The following MGAT4C variants were observed in gnomAD, a reference collection of about 807,000 sequenced individuals.
The protein encoded by MGAT4C is alpha-1,3-mannosyl-glycoprotein 4-beta-N-acetylglucosaminyltransferase C.
In MGAT4C, 19 loss-of-function variants were observed where a neutral mutation model predicts 40.1. The ratio of observed to expected loss-of-function variants is 0.47; its 90% CI spans 0.33 to 0.70. The LOEUF (loss-of-function observed/expected upper bound fraction) is 0.70. Ranked by LOEUF, MGAT4C falls within the 30% of genes least tolerant of loss-of-function variation. MGAT4C has a pLI of 0.02. For synonymous variants in MGAT4C, 181 were observed against 187.1 expected, an observed-to-expected ratio of 0.97 and a Z score of 0.27; for missense variants, 491 against 563.2, an observed-to-expected ratio of 0.87 and a Z score of 1.30.
rs886668478 is a variant in MGAT4C at position 85,966,612 on chromosome 12, C to T, written c.*12677G>A. The T allele has an allele frequency of 7.2e-5, 11 of 151,976 alleles. No homozygotes were observed. Among genetic ancestry groups the T allele is most frequent in the East Asian group, 5.8e-4 (3 of 5,172 alleles). The allele number at this position is 151,976 out of a possible 1,614,324, so 9.4% of individuals were successfully genotyped here. A position where few individuals can be genotyped will look rare whatever the true frequency, so the allele number is the denominator to read the frequency against. On this transcript the variant is annotated 3_prime_UTR_variant, in exon 5 of 5. Coordinates refer to ENST00000611864, the MANE Select transcript of MGAT4C (RefSeq NM_001351288.2). ...GACACATGCACACGTATGTTTATTG[C>T]GGCACTATTCACAATAGCAAAGACT... is the stretch of plus-strand genomic sequence containing the variant.
At chr12:86,584,836 C>A (rs1209024026) in intron 2 of MGAT4C, among the ~76,000 whole-genome samples, 2 of 151,330 alleles carry the variant, frequency 1.3e-5, no homozygotes, top group African/African-American at 2.4e-5. Flanking sequence ...ATCATCATGT[C>A]CACGATGGCT....
At chr12:86,518,591 C>T (rs1247286754) in intron 2 of MGAT4C, among the ~76,000 whole-genome samples, 1 of 152,024 alleles carries the variant, frequency 6.6e-6, no homozygotes, top group Non-Finnish European at 1.5e-5. Flanking sequence ...GACAGAAATA[C>T]AAAATGATAC....
chr12:86,261,705 T>C (rs564131698), intron 4 of MGAT4C, among the ~76,000 whole-genome samples: 7 of 152,190 alleles, frequency 4.6e-5, no homozygotes, highest in African/African-American at 1.7e-4. Flanking sequence ...TGATTAGGTG[T>C]AATGGAGTTC....
intron 3 of MGAT4C, among the ~76,000 whole-genome samples, chr12:86,359,275 C>A (rs1359602288): frequency 6.6e-6 from 1 of 152,132 alleles, no homozygotes. Context: ...TTCTTTGAAA[C>A]CAATGAGAAC....
At chr12:86,461,803 T>C (rs1020650664) in intron 2 of MGAT4C, among the ~76,000 whole-genome samples, 1 of 152,212 alleles carries the variant, frequency 6.6e-6, no homozygotes, top group Non-Finnish European at 1.5e-5. Flanking sequence ...AGTTTATAAA[T>C]GAAATTTATA....
At chr12:86,008,892 C>T (rs756921781) in intron 2 of MGAT4C, among the ~76,000 whole-genome samples, 13 of 151,896 alleles carry the variant, frequency 8.6e-5, no homozygotes, top group South Asian at 2.1e-4. Context: ...TTGTGCTATA[C>T]GATGGATTAT....
intron 3 of MGAT4C, among the ~76,000 whole-genome samples, chr12:86,390,116 G>A (rs1021963747): frequency 6.6e-5 from 10 of 152,078 alleles, no homozygotes; most frequent in East Asian, 3.9e-4. Flanking sequence ...AAACAAGCCC[G>A]GTTGACCCAC....
chr12:86,725,449 A>C (rs2559814), intron 2 of MGAT4C, among the ~76,000 whole-genome samples: 129,042 of 151,986 alleles, frequency 0.85, 55,780 homozygotes, highest in Non-Finnish European at 0.94. Flanking sequence ...GCGCCCCCTG[A>C]CATTTTTGTT....
chr12:86,469,367 G>A (rs566483237), intron 2 of MGAT4C, among the ~76,000 whole-genome samples: 1 of 152,226 alleles, frequency 6.6e-6, no homozygotes, highest in East Asian at 1.9e-4. Flanking sequence ...ATGAAAGACT[G>A]CGACTTCTGT....
At chr12:86,719,580 T>G (rs1950704612) in intron 2 of MGAT4C, among the ~76,000 whole-genome samples, 1 of 152,188 alleles carries the variant, frequency 6.6e-6, no homozygotes, top group South Asian at 2.1e-4. Context: ...CTAGGAATGA[T>G]TTATCATACC....
At position 86,473,729 on chromosome 12, in the gene MGAT4C, A is replaced by C. The variant is rs76154601; in HGVS notation, c.-228-38464T>G. 1.2e-4 allele frequency among the ~76,000 whole-genome samples: 18 copies of C among 152,346 alleles called. No homozygotes were observed. The East Asian group carries it at 2.9e-3, about 25-fold the overall frequency. On this transcript the variant is annotated intron_variant, in intron 2 of 7. Coordinates refer to the MGAT4C transcript ENST00000548651. ...TCATTTATTATTAAACTGTATATTA[A>C]GACTTTCTAAATTTGCTTCCCTAAG...
At position 86,609,300 on chromosome 12, in the gene MGAT4C, CA is replaced by C. The variant is rs369478208; in HGVS notation, c.-229+117908del. 1.7e-3 allele frequency among the ~76,000 whole-genome samples: 251 copies of C among 152,068 alleles called. 8 individuals are homozygous for C. The South Asian group carries it at 0.047, about 29-fold the overall frequency. On this transcript the variant is annotated intron_variant, in intron 2 of 7. Coordinates refer to the MGAT4C transcript ENST00000548651. The stretch of plus-strand genomic sequence containing the variant: ...GCAAAGTTAAACGTGAAGACCATGA[CA>C]GGGGGAAAGGAGTTGTCAATGAAGT...
rs1025722388 is a variant in MGAT4C at position 85,968,881 on chromosome 12, G to T, written c.*10408C>A. The T allele has an allele frequency of 1.3e-5, 2 of 151,772 alleles. No homozygotes were observed. Among genetic ancestry groups the T allele is most frequent in the African/African-American group, 4.8e-5 (2 of 41,388 alleles). 9.4% of individuals were successfully genotyped at this position (151,772 alleles called of 1,614,324 possible). ...GAGGTTAATAATGTTGAGATGAACT[G>T]GGCTTAATATTTCACTAACAAGGTC... On this transcript the variant is annotated 3_prime_UTR_variant, in exon 5 of 5. Transcript: ENST00000611864.
In MGAT4C at chr12:85,956,057, C is replaced by T. The variant is rs1882776927; in HGVS notation, c.*23232G>A. The stretch of plus-strand genomic sequence containing the variant: ...TGGTTTACAGGAAGTCTGATTTTTA[C>T]AAAACTAGATTAATGAAAAATCACG... On this transcript the variant is annotated 3_prime_UTR_variant, in exon 5 of 5. Coordinates refer to ENST00000611864, the MANE Select transcript of MGAT4C (RefSeq NM_001351288.2). The T allele has an allele frequency of 6.6e-6, 1 of 152,064 alleles. No homozygotes were observed. Among genetic ancestry groups the T allele is most frequent in the Non-Finnish European group, 1.5e-5 (1 of 67,990 alleles). The allele number at this position is 152,064 out of a possible 1,614,324, so 9.4% of individuals were successfully genotyped here. A position where few individuals can be genotyped will look rare whatever the true frequency, so the allele number is the denominator to read the frequency against.
At chr12:86,590,707 A>G (rs550996741) in intron 2 of MGAT4C, among the ~76,000 whole-genome samples, 3 of 152,196 alleles carry the variant, frequency 2.0e-5, no homozygotes, top group African/African-American at 7.2e-5. Context: ...AAAAAAATTG[A>G]GAGATCAGAC....
intron 1 of MGAT4C, among the ~76,000 whole-genome samples, chr12:86,803,857 G>A (rs1243873118): frequency 1.3e-4 from 19 of 150,498 alleles, no homozygotes; most frequent in South Asian, 6.4e-4. Flanking sequence ...ATTCAGTGTG[G>A]TGATTCCTCA....
intron 2 of MGAT4C, among the ~76,000 whole-genome samples, chr12:86,020,621 A>C (rs1193633976): frequency 6.6e-6 from 1 of 152,196 alleles, no homozygotes; most frequent in Non-Finnish European, 1.5e-5. Context: ...TATACCTAAA[A>C]CCATAAAAAC....
At chr12:86,277,482 T>A (rs1953104838) in intron 4 of MGAT4C, among the ~76,000 whole-genome samples, 1 of 152,186 alleles carries the variant, frequency 6.6e-6, no homozygotes, top group Non-Finnish European at 1.5e-5. Flanking sequence ...TCCACTGTCC[T>A]GGAGACTTTT....
intron 2 of MGAT4C, among the ~76,000 whole-genome samples, chr12:86,634,677 T>A (rs1593066035): frequency 6.6e-6 from 1 of 152,066 alleles, no homozygotes. Context: ...ATCCTATAAT[T>A]CCCTGCCATG....
Sources: allele counts gnomAD v4.1 joint callset (sites outside exome capture counted in the v4.1 genomes callset), GRCh38; gene constraint gnomAD v4.1.1; transcripts MANE v1.5; gene names NCBI Gene and HGNC (gene_info 2026-07-23, HGNC 2026-07-21).